The following LPP variants were observed in gnomAD, a reference collection of about 807,000 sequenced individuals.
LPP encodes lipoma-preferred partner.
LPP carries 38 observed loss-of-function variants against 60.4 expected under a neutral mutation model. The observed-to-expected ratio is 0.63, with a 90% CI of 0.49 to 0.83. The LOEUF (loss-of-function observed/expected upper bound fraction) is 0.83, where lower values mean the gene tolerates loss of function less well. LPP is among the 40% of genes least tolerant of loss of function. The pLI, the probability that LPP is intolerant of heterozygous loss-of-function variation, is 0.00. For missense variants in LPP, 902 were observed against 783.6 expected (o/e 1.15, Z -1.80); for synonymous variants, 328 against 290.8 (o/e 1.13, Z -1.30).
chr3:188,331,967 G>A (rs951059028), intron 2 of LPP, among the ~76,000 whole-genome samples: 1 of 152,036 alleles, frequency 6.6e-6, no homozygotes, highest in Non-Finnish European at 1.5e-5. Context: ...ATTATGTTTA[G>A]CTTGATCAAT....
intron 2 of LPP, among the ~76,000 whole-genome samples, chr3:188,321,150 A>G (rs964363904): frequency 1.2e-4 from 19 of 152,294 alleles, no homozygotes; most frequent in African/African-American, 4.3e-4. Flanking sequence ...TTGTATCTCA[A>G]TCAATATTAC....
chr3:188,230,502 G>T (rs1217350635), intron 2 of LPP, among the ~76,000 whole-genome samples: 1 of 152,162 alleles, frequency 6.6e-6, no homozygotes. Context: ...GAAAAAAATA[G>T]GCCAGGCGTA....
At position 188,785,439 on chromosome 3, in the gene LPP, ATATATATATATT is replaced by A. The variant is rs1741298138; in HGVS notation, c.1410+25158_1410+25169del. ...TATTCCATCATATATATATTCCATC[ATATATATATATT>A]CCATCATATATATATATTCCATCAT... On this transcript the variant is annotated intron_variant, in intron 9 of 11. Coordinates refer to ENST00000617246, the MANE Select transcript of LPP (RefSeq NM_001375462.1). Among the ~76,000 whole-genome samples the A allele has an allele frequency of 8.4e-5, 2 of 23,916 alleles. 1 individual carries two copies. The allele number at this position is 23,916 out of a possible 152,430, so 15.7% of individuals were successfully genotyped here.
intron 2 of LPP, among the ~76,000 whole-genome samples, chr3:188,253,099 T>A (rs1355095776): frequency 6.7e-6 from 1 of 149,766 alleles, no homozygotes; most frequent in Non-Finnish European, 1.5e-5. Context: ...TTAAATTGGG[T>A]TTTTGGTCTT....
rs1560090480 is a variant in LPP, at chr3:188,182,772, TGCATATATA to T, written c.-190+28521_-190+28529del. On this transcript the variant is annotated intron_variant, in intron 1 of 11. Transcript: ENST00000617246. This position sits in a 1 kb window ranked among gnomAD's most constrained non-coding sequence, Gnocchi z 4.4. ...CATATATGTACATATATTATATATGTGCATATATAATATATGTACATATACAATATATGC... is the reference window on the plus strand; with the variant it reads ...CATATATGTACATATATTATATATGTATATATGTACATATACAATATATGC... Among the ~76,000 whole-genome samples the T allele has an allele frequency of 1.2e-4, 17 of 146,954 alleles. No individual in the cohort carries two copies. The highest frequency in any genetic ancestry group is 2.2e-4 in the Non-Finnish European group (15 of 67,120).
chr3:188,297,980 A>G (rs1748505906), intron 2 of LPP, among the ~76,000 whole-genome samples: 4 of 152,220 alleles, frequency 2.6e-5, no homozygotes, highest in Admixed American at 2.6e-4. Context: ...TTCAGAGCCT[A>G]TCATTGTTTC....
At chr3:188,702,988 A>G (rs556511403) in intron 7 of LPP, among the ~76,000 whole-genome samples, 23 of 152,224 alleles carry the variant, frequency 1.5e-4, no homozygotes, top group Non-Finnish European at 2.9e-4. Context: ...AAGCAGCGGT[A>G]CCTCTACAAG....
chr3:188,490,367 T>A (rs920357191), intron 5 of LPP, among the ~76,000 whole-genome samples: 1 of 152,232 alleles, frequency 6.6e-6, no homozygotes, highest in African/African-American at 2.4e-5. Flanking sequence ...TCAAAGCTCA[T>A]ATATGTGTAT....
chr3:188,856,525 C>T (rs1005851665), intron 9 of LPP, among the ~76,000 whole-genome samples: 2 of 152,192 alleles, frequency 1.3e-5, no homozygotes, highest in African/African-American at 4.8e-5. Context: ...AGCTTTATAA[C>T]AATATCTTTA....
At chr3:188,614,077 G>C (rs1849916) in intron 7 of LPP, among the ~76,000 whole-genome samples, 56,241 of 151,238 alleles carry the variant, frequency 0.37, 11,087 homozygotes, top group East Asian at 0.74. Flanking sequence ...ACAGGCTCCC[G>C]CCACCACGCC....
chr3:188,329,749 T>C (rs1759467000), intron 2 of LPP, among the ~76,000 whole-genome samples: 3 of 152,294 alleles, frequency 2.0e-5, no homozygotes, highest in Middle Eastern at 6.8e-3. Flanking sequence ...AAAACATGTG[T>C]TGTATTTGCC....
intron 7 of LPP, among the ~76,000 whole-genome samples, chr3:188,669,912 A>AAGCC (rs1856620111): frequency 6.6e-6 from 1 of 152,240 alleles, no homozygotes; most frequent in Non-Finnish European, 1.5e-5. Flanking sequence ...ACCGTGGAAT[A>AAGCC]CTAAGCAGCC....
intron 9 of LPP, among the ~76,000 whole-genome samples, chr3:188,810,902 AT>A (rs1316727970): frequency 3.9e-5 from 6 of 152,014 alleles, no homozygotes; most frequent in Non-Finnish European, 7.4e-5. Context: ...AAATACCATA[AT>A]TTTTTTGTTC....
chr3:188,426,643 G>T (rs1789430266), intron 4 of LPP, among the ~76,000 whole-genome samples: 1 of 152,036 alleles, frequency 6.6e-6, no homozygotes, highest in Non-Finnish European at 1.5e-5. Flanking sequence ...CTCCTGTATT[G>T]GGTGCATATA....
In LPP at chr3:188,858,511, G is replaced by A. The variant is rs567211408; in HGVS notation, c.1411-7689G>A. Reference sequence around the variant, plus strand: ...AGATTTTCTTTTCCGATTTAGTAAAGCTCAGATCACAATCCTAACCCTAGT... The same window carrying A: ...AGATTTTCTTTTCCGATTTAGTAAAACTCAGATCACAATCCTAACCCTAGT... On this transcript the variant is annotated intron_variant, in intron 9 of 11. Coordinates refer to ENST00000617246, the MANE Select transcript of LPP (RefSeq NM_001375462.1). 3.3e-5 allele frequency among the ~76,000 whole-genome samples: 5 copies of A among 152,286 alleles called. No individual in the cohort carries two copies. In the South Asian group the frequency reaches 1.0e-3, roughly 32 times the overall value.
chr3:188,593,812 G>T (rs1403420362), intron 6 of LPP, among the ~76,000 whole-genome samples: 1 of 152,122 alleles, frequency 6.6e-6, no homozygotes, highest in South Asian at 2.1e-4. Flanking sequence ...CACTGTATAT[G>T]TATACACCGT....
intron 4 of LPP, among the ~76,000 whole-genome samples, chr3:188,467,031 T>C (rs1177832712): frequency 6.7e-6 from 1 of 150,362 alleles, no homozygotes; most frequent in Non-Finnish European, 1.5e-5. Flanking sequence ...CTCTAGGCTT[T>C]AGCTCTGGTG....
chr3:188,522,297 G>T (rs1819090414), intron 5 of LPP, among the ~76,000 whole-genome samples: 1 of 152,130 alleles, frequency 6.6e-6, no homozygotes, highest in Non-Finnish European at 1.5e-5. Flanking sequence ...CTTCAAATCT[G>T]GGCCGTCCAG....
At chr3:188,255,552 A>G (rs1457994841) in intron 2 of LPP, among the ~76,000 whole-genome samples, 2 of 152,158 alleles carry the variant, frequency 1.3e-5, no homozygotes, top group Non-Finnish European at 2.9e-5. Context: ...CTCTGTGAAC[A>G]TTGTAATGGT....
Sources: allele counts gnomAD v4.1 joint callset (sites outside exome capture counted in the v4.1 genomes callset), GRCh38; gene constraint gnomAD v4.1.1; non-coding constraint Gnocchi (gnomAD v3.1); transcripts MANE v1.5; gene names NCBI Gene and HGNC (gene_info 2026-07-23, HGNC 2026-07-21).